Variants in ZNF101 observed in about 807,000 individuals in gnomAD.
ZNF101 encodes the protein zinc finger protein 101 (Y2).
A neutral mutation model predicts 42.6 loss-of-function variants in ZNF101; 34 were observed. That is an observed-to-expected ratio of 0.80 (90% CI 0.61 to 1.06). The LOEUF is 1.06. ZNF101 is among the 50% of genes least tolerant of loss of function. ZNF101 has a pLI of 0.00. For synonymous variants in ZNF101, 158 were observed against 183.9 expected, an observed-to-expected ratio of 0.86 and a Z score of 1.14; for missense variants, 466 against 530.9, an observed-to-expected ratio of 0.88 and a Z score of 1.20.
At chr19:19,676,927 A>C (rs2062206087) in intron 1 of ZNF101, 1 of 152,116 alleles carries the variant, frequency 6.6e-6, no homozygotes. Context: ...GAGTCACCAC[A>C]CCCAGCTGTA....
intron 1 of ZNF101, among the ~76,000 whole-genome samples, chr19:19,672,519 A>G (rs939812417): frequency 6.8e-6 from 1 of 146,578 alleles, no homozygotes; most frequent in Non-Finnish European, 1.5e-5. Flanking sequence ...TCAGCCCTAT[A>G]TGCATTTTAG....
At chr19:19,677,640 C>G in intron 1 of ZNF101, 1 of 555,530 alleles carries the variant, frequency 1.8e-6, no homozygotes, top group Non-Finnish European at 2.9e-6. Context: ...CTGGACCCAC[C>G]ACAGAGAGGG....
chr19:19,669,533 G>T (rs894722330), intron 1 of ZNF101, among the ~76,000 whole-genome samples: 2 of 151,972 alleles, frequency 1.3e-5, no homozygotes, highest in Non-Finnish European at 2.9e-5. Flanking sequence ...TCACTCTGTC[G>T]CCCAGGCTGG....
chr19:19,675,435 G>A (rs910412248), intron 1 of ZNF101, among the ~76,000 whole-genome samples: 1 of 152,112 alleles, frequency 6.6e-6, no homozygotes, highest in African/African-American at 2.4e-5. Flanking sequence ...ACCGTGCCTG[G>A]CTATTTTTTT....
At chr19:19,677,741 C>G in intron 1 of ZNF101, 123 bp from the exon 2 acceptor site, 1 of 1,416,512 alleles carries the variant, frequency 7.1e-7, no homozygotes, top group South Asian at 1.4e-5. Flanking sequence ...AGGAGGAGGC[C>G]GATGACTCAA....
chr19:19,673,392 G>C (rs1185559016), intron 1 of ZNF101, among the ~76,000 whole-genome samples: 1 of 150,406 alleles, frequency 6.6e-6, no homozygotes, highest in East Asian at 2.0e-4. Context: ...TGGGATTACA[G>C]GCACGTGCCA....
Position 19,668,894 on chromosome 19 carries a change from AT to A in ZNF101, c.-66del. ...GCCCCTGGTGCCCCGGATACGGCTG[AT>A]TTTGTCGTGTGGGACCTGTTCTGGC... On this transcript the variant is annotated 5_prime_UTR_variant, in exon 1 of 4. Transcript: ENST00000592502. The A allele has an allele frequency of 6.6e-7, 1 of 1,523,226 alleles. No homozygotes were observed. 94.4% of individuals were successfully genotyped at this position (1,523,226 alleles called of 1,614,324 possible).
At chr19:19,673,687 CTTTTTT>C (rs573395742) in intron 1 of ZNF101, among the ~76,000 whole-genome samples, 1 of 82,874 alleles carries the variant, frequency 1.2e-5, no homozygotes, top group East Asian at 3.4e-4. Context: ...GCGTTCAATT[CTTTTTT>C]TTTTTTTTTT....
chr19:19,681,649 C>G lies in ZNF101; in HGVS notation c.*1349C>G, dbSNP rs1306867139. The G allele has an allele frequency of 6.6e-6, 1 of 152,038 alleles. No homozygotes were observed. 9.4% of individuals were successfully genotyped at this position (152,038 alleles called of 1,614,324 possible). A position where few individuals can be genotyped will look rare whatever the true frequency, so the allele number is the denominator to read the frequency against. On this transcript the variant is annotated 3_prime_UTR_variant, in exon 4 of 4. Coordinates refer to ENST00000592502, the MANE Select transcript of ZNF101 (RefSeq NM_033204.4). The stretch of plus-strand genomic sequence containing the variant: ...CCTGTAGTCCCAGCTACTCAGGAAG[C>G]TGAGGTGGGAGGATTGCTTGAGTTT...
In ZNF101 at chr19:19,679,898, T is replaced by C. The variant is rs747123644; in HGVS notation, c.909T>C (p.Thr303=). 11 of 1,613,936 alleles carry C rather than the reference T, an allele frequency of 6.8e-6. No homozygotes were observed. The highest frequency in any genetic ancestry group is 9.3e-6 in the Non-Finnish European group (11 of 1,180,036). ...GTTCCCTTCACAGACATGAAAGAAC[T>C]CATAGTGGAGGAAAACTCTACGAAT... The part of the protein sequence containing the change: ...CSSSLHRHER[T]HSGGKLYECQ... The change falls in exon 4 of 4, where the codon ACT becomes ACC. Residue 303 remains threonine (T), a synonymous_variant. Coordinates refer to ENST00000592502, the MANE Select transcript of ZNF101 (RefSeq NM_033204.4).
chr19:19,674,735 A>T (rs1279079343), intron 1 of ZNF101, among the ~76,000 whole-genome samples: 2 of 152,168 alleles, frequency 1.3e-5, no homozygotes, highest in Non-Finnish European at 2.9e-5. Flanking sequence ...GAGGATTGAT[A>T]GCAATTCTTT....
intron 1 of ZNF101, 22 bp downstream of exon 1, chr19:19,668,988 TC>T (rs1218367436): frequency 5.1e-6 from 8 of 1,580,930 alleles, no homozygotes; most frequent in Non-Finnish European, 5.2e-6. Flanking sequence ...GAGCCGGGCG[TC>T]CGGAGACCTG....
At position 19,679,268 on chromosome 19, in the gene ZNF101, GA is replaced by G; in HGVS notation, c.283del (p.Ser95ValfsTer5). The G allele has an allele frequency of 6.2e-7, 1 of 1,614,192 alleles. No homozygotes were observed. Among genetic ancestry groups the G allele is most frequent in the Non-Finnish European group, 8.5e-7 (1 of 1,180,036 alleles). ...AGATTCCTGATTGTCACCTGAACAA[GA>G]AAAGTCAAACTGGAGTGAAACCATG... ...SQIPDCHLNK[K>X]SQTGVKPCKC... On this transcript the variant is annotated frameshift_variant, in exon 4 of 4. Transcript: ENST00000592502. LOFTEE classifies it high-confidence loss of function.
intron 1 of ZNF101, among the ~76,000 whole-genome samples, chr19:19,672,983 C>T (rs1246571150): frequency 6.6e-6 from 1 of 151,914 alleles, no homozygotes; most frequent in African/African-American, 2.4e-5. Flanking sequence ...CTTGCTCTAT[C>T]ACCCAGACTG....
chr19:19,677,161 A>T (rs906250659), intron 1 of ZNF101: 2 of 152,132 alleles, frequency 1.3e-5, no homozygotes, highest in African/African-American at 4.8e-5. Flanking sequence ...AAGCTTCAGG[A>T]TATTCTCTCT....
Position 19,681,264 on chromosome 19 carries a change from C to G in ZNF101, c.*964C>G, listed in dbSNP as rs1473638364. The G allele has an allele frequency of 6.6e-6, 1 of 152,110 alleles. No homozygotes were observed. 9.4% of individuals were successfully genotyped at this position (152,110 alleles called of 1,614,324 possible). A position where few individuals can be genotyped will look rare whatever the true frequency, so the allele number is the denominator to read the frequency against. On this transcript the variant is annotated 3_prime_UTR_variant, in exon 4 of 4. Transcript: ENST00000592502. ...TCAGATATTCCAGTTCTATTCAGAG[C>G]CATAAAAGGACTCATACTGGAGAAA...
intron 1 of ZNF101, among the ~76,000 whole-genome samples, chr19:19,675,271 G>A (rs1047329626): frequency 1.3e-5 from 2 of 151,972 alleles, no homozygotes; most frequent in African/African-American, 2.4e-5. Flanking sequence ...CCAAGTAGCT[G>A]GGATTACCGG....
At chr19:19,677,629 C>T in intron 1 of ZNF101, 4 of 489,298 alleles carry the variant, frequency 8.2e-6, no homozygotes, top group Non-Finnish European at 1.4e-5. Context: ...CAACTGACTC[C>T]CTGGACCCAC....
chr19:19,668,838 C>T, upstream of ZNF101: 1 of 1,258,438 alleles, frequency 7.9e-7, no homozygotes, highest in South Asian at 1.5e-5. Flanking sequence ...GCCGGCCCCC[C>T]ATTCGGGTCC....
Sources: gnomAD v4.1 joint callset for allele counts (sites outside exome capture counted in the v4.1 genomes callset) on GRCh38, gnomAD v4.1.1 for gene constraint, MANE v1.5 for transcripts, NCBI Gene and HGNC (gene_info 2026-07-23, HGNC 2026-07-21) for gene names.